DACH2: variants seen among roughly 807,000 people sequenced by gnomAD.
DACH2 encodes the protein dachshund homolog 2.
A neutral mutation model predicts 35.8 loss-of-function variants in DACH2; 17 were observed. That is an observed-to-expected ratio of 0.48 (90% CI 0.33 to 0.71). The LOEUF (loss-of-function observed/expected upper bound fraction) is 0.71, where lower values mean the gene tolerates loss of function less well. Among genes scored for constraint, DACH2 ranks in the 30% least tolerant of loss-of-function variants. The pLI, the probability that DACH2 is intolerant of heterozygous loss-of-function variation, is 0.02. For synonymous variants in DACH2, 195 were observed against 177.3 expected (o/e 1.10, Z -0.79); for missense variants, 469 against 472.7 (o/e 0.99, Z 0.07).
chrX:86,588,776 G>A (rs1020810975), intron 3 of DACH2, among the ~76,000 whole-genome samples: 2 of 110,910 alleles, frequency 1.8e-5, no homozygotes, highest in African/African-American at 6.5e-5. Context: ...AGTCTCTGGG[G>A]TTTCCTAGGT....
At chrX:86,739,976 T>G in intron 7 of DACH2, 94 bp downstream of exon 7, 1 of 850,788 alleles carries the variant, frequency 1.2e-6, no homozygotes, top group African/African-American at 2.1e-5. Context: ...CTGGGGAAGC[T>G]GATACCTCCT....
In DACH2 at chrX:86,687,887, T is replaced by TGTCAGAGGG. The variant is rs1415035882; in HGVS notation, c.773-7133_773-7125dup. Among the ~76,000 whole-genome samples, 3 of 105,625 alleles carry TGTCAGAGGG rather than the reference T, an allele frequency of 2.8e-5. No homozygotes were observed. The Admixed American group carries it at 3.1e-4, about 11-fold the overall frequency. 91.7% of individuals were successfully genotyped at this position (105,625 alleles called of 115,157 possible). On this transcript the variant is annotated intron_variant, in intron 4 of 11. Transcript: ENST00000373125. ...GAGGGGAACATCACACACTGGGGCC[T>TGTCAGAGGG]GTCAGAGGGTGGGGGGCTAGGGGAG...
At chrX:86,299,301 C>T (rs1174421100) in intron 1 of DACH2, among the ~76,000 whole-genome samples, 1 of 111,418 alleles carries the variant, frequency 9.0e-6, no homozygotes, top group African/African-American at 3.3e-5. Context: ...TTTGTTATGA[C>T]TCTTATGTTA....
intron 7 of DACH2, among the ~76,000 whole-genome samples, chrX:86,764,781 T>A (rs765129935): frequency 8.9e-6 from 1 of 112,038 alleles, no homozygotes; most frequent in Admixed American, 9.5e-5. Context: ...GTAGTTCTAT[T>A]TTTAGTTCTT....
chrX:86,423,957 A>G (rs2036848831), intron 2 of DACH2, among the ~76,000 whole-genome samples: 1 of 110,970 alleles, frequency 9.0e-6, no homozygotes, highest in Non-Finnish European at 1.9e-5. Context: ...ACCCCAGTGT[A>G]TACTGTTGGC....
chrX:86,265,082 C>T (rs1312119470), intron 1 of DACH2, among the ~76,000 whole-genome samples: 1 of 111,500 alleles, frequency 9.0e-6, no homozygotes, highest in Admixed American at 9.6e-5. Context: ...TAACCATAAG[C>T]TCAGCATTGA....
At chrX:86,552,832 G>A (rs753134770) in intron 3 of DACH2, among the ~76,000 whole-genome samples, 13 of 110,353 alleles carry the variant, frequency 1.2e-4, no homozygotes, top group Non-Finnish European at 1.9e-4. Flanking sequence ...AAGACCCATA[G>A]GGAAGCAAAA....
At chrX:86,467,094 C>T (rs1209870087) in intron 2 of DACH2, among the ~76,000 whole-genome samples, 1 of 112,080 alleles carries the variant, frequency 8.9e-6, no homozygotes, top group Non-Finnish European at 1.9e-5. Context: ...TTGAATTTCT[C>T]CTCAGAAAAT....
chrX:86,610,955 T>C (rs2039936418), intron 3 of DACH2, among the ~76,000 whole-genome samples: 1 of 110,447 alleles, frequency 9.1e-6, no homozygotes, highest in African/African-American at 3.3e-5. Context: ...TTCCTTTACT[T>C]TTCCCTCTGC....
At chrX:86,437,185 T>C (rs1161772486) in intron 2 of DACH2, among the ~76,000 whole-genome samples, 4 of 111,380 alleles carry the variant, frequency 3.6e-5, no homozygotes, top group Non-Finnish European at 7.5e-5. Flanking sequence ...ATTTTACATA[T>C]TTATGGGGTA....
intron 3 of DACH2, among the ~76,000 whole-genome samples, chrX:86,591,253 T>C (rs2039641686): frequency 1.8e-5 from 2 of 111,819 alleles, no homozygotes; most frequent in Admixed American, 1.9e-4. Flanking sequence ...TCCAAGTCTT[T>C]GCTATTGTGA....
chrX:86,451,315 A>G (rs1206357860), intron 2 of DACH2, among the ~76,000 whole-genome samples: 2 of 111,743 alleles, frequency 1.8e-5, no homozygotes, highest in African/African-American at 6.5e-5. Context: ...TAAATAGGTA[A>G]TTCTTTCCCC....
intron 1 of DACH2, among the ~76,000 whole-genome samples, chrX:86,236,200 T>G (rs1159180021): frequency 4.5e-5 from 5 of 112,204 alleles, no homozygotes; most frequent in African/African-American, 1.6e-4. Context: ...ACAGCACCTA[T>G]TAAGCTGTTT....
intron 11 of DACH2, among the ~76,000 whole-genome samples, chrX:86,816,613 CAT>C (rs1175349162): frequency 8.9e-6 from 1 of 111,738 alleles, no homozygotes; most frequent in African/African-American, 3.2e-5. Context: ...AAAATCAGAA[CAT>C]GACTTATAAT....
chrX:86,554,626 G>A (rs1337772038), intron 3 of DACH2, among the ~76,000 whole-genome samples: 1 of 111,594 alleles, frequency 9.0e-6, no homozygotes, highest in Non-Finnish European at 1.9e-5. Flanking sequence ...CTTATCTTCT[G>A]ACTCTGTTAC....
At chrX:86,775,060 C>T (rs1230044887) in intron 7 of DACH2, among the ~76,000 whole-genome samples, 1 of 111,042 alleles carries the variant, frequency 9.0e-6, no homozygotes, top group Non-Finnish European at 1.9e-5. Flanking sequence ...TATTTAGGAA[C>T]AATAAAGACA....
intron 3 of DACH2, among the ~76,000 whole-genome samples, chrX:86,636,465 CAAACA>C (rs777267094): frequency 2.2e-4 from 24 of 110,593 alleles, no homozygotes; most frequent in African/African-American, 6.2e-4. Flanking sequence ...AACAAACTAA[CAAACA>C]AAACAAAACA....
chrX:86,648,638 A>G (rs1027023376), intron 3 of DACH2, among the ~76,000 whole-genome samples: 4 of 111,017 alleles, frequency 3.6e-5, no homozygotes, highest in African/African-American at 1.3e-4. Flanking sequence ...TAAGAGTTTC[A>G]TAAGCTTAAA....
At chrX:86,449,670 G>T (rs2037333716) in intron 2 of DACH2, among the ~76,000 whole-genome samples, 1 of 110,526 alleles carries the variant, frequency 9.0e-6, no homozygotes, top group Non-Finnish European at 1.9e-5. Flanking sequence ...ACAAGATTTT[G>T]CTTCATTGTT....
Sources: allele counts gnomAD v4.1 joint callset (sites outside exome capture counted in the v4.1 genomes callset), GRCh38; gene constraint gnomAD v4.1.1; transcripts MANE v1.5; gene names NCBI Gene and HGNC (gene_info 2026-07-23, HGNC 2026-07-21).